The following FLNB variants were observed in gnomAD, a reference collection of about 807,000 sequenced individuals.
FLNB encodes the protein filamin B.
A neutral mutation model predicts 250.6 loss-of-function variants in FLNB; 111 were observed. The observed-to-expected ratio is 0.44, with a 90% confidence interval of 0.38 to 0.52. The LOEUF is 0.52. Ranked by LOEUF, FLNB falls within the 20% of genes least tolerant of loss-of-function variation. The pLI, the probability that FLNB is intolerant of heterozygous loss-of-function variation, is 0.00. For synonymous variants in FLNB, 1,302 were observed against 1,372.1 expected (o/e 0.95, Z 1.13); for missense variants, 2,869 against 3,447.8 (o/e 0.83, Z 4.20).
chr3:58,143,510 T>A lies in FLNB; in HGVS notation c.5322T>A (p.Pro1774=), dbSNP rs767685201. The A allele has an allele frequency of 6.2e-7, 1 of 1,614,094 alleles. No individual in the cohort carries two copies. The highest frequency in any genetic ancestry group is 8.5e-7 in the Non-Finnish European group (1 of 1,179,976). The change falls in exon 32 of 46, where the codon CCT becomes CCA. Residue 1774 remains proline (P), a synonymous_variant. Transcript: ENST00000295956. Reference sequence around the variant, plus strand: ...TGCCTTCTGGGAAGACAGCCACACCTGAGATTGTGGACAACAAGGACGGCA... The same window carrying A: ...TGCCTTCTGGGAAGACAGCCACACCAGAGATTGTGGACAACAAGGACGGCA... ...VHMPSGKTAT[P]EIVDNKDGTV...
intron 4 of FLNB, among the ~76,000 whole-genome samples, chr3:58,092,521 C>T (rs950767436): frequency 3.9e-5 from 6 of 152,114 alleles, no homozygotes; most frequent in African/African-American, 1.4e-4. Flanking sequence ...TGGTATGCAC[C>T]TGTGGTCCCA....
At position 58,123,385 on chromosome 3, in the gene FLNB, G is replaced by A; in HGVS notation, c.3419G>A (p.Gly1140Glu). ...PFDPSKVVAS[G>E]PGLEHGKVGE... ...GACCCCTCTAAAGTCGTGGCATCGG[G>A]GCCAGGTCTCGAGCACGGGAAGGTG... is the stretch of plus-strand genomic sequence containing the variant. Residue 1140 changes from glycine (G) to glutamate (E), a missense_variant, in exon 21 of 46, where the codon GGG becomes GAG. By Grantham distance (98) the Gly-to-Glu change is moderately conservative. Transcript: ENST00000295956. 1 of 1,614,138 alleles carries A rather than the reference G, an allele frequency of 6.2e-7. No homozygotes were observed. Among genetic ancestry groups the A allele is most frequent in the Non-Finnish European group, 8.5e-7 (1 of 1,180,024 alleles).
In FLNB at chr3:58,153,061, C is replaced by T. The variant is rs72884432; in HGVS notation, c.6368-314C>T. ...TAAAAGAAATGCCAAAGCTTCTTGA[C>T]GGTAAAGGATGATGGCTCTTGTTTT... On this transcript the variant is annotated intron_variant, in intron 38 of 45. Transcript: ENST00000295956. 0.032 allele frequency among the ~76,000 whole-genome samples: 4,895 copies of T among 152,338 alleles called. 265 individuals carry two copies. The highest frequency in any genetic ancestry group is 0.11 in the African/African-American group (4,601 of 41,568).
chr3:58,046,455 GTT>G (rs34935660), intron 1 of FLNB, among the ~76,000 whole-genome samples: 1 of 144,134 alleles, frequency 6.9e-6, no homozygotes, highest in Non-Finnish European at 1.5e-5. Flanking sequence ...TTTTAGAATT[GTT>G]TTTTTTTTTT....
intron 1 of FLNB, among the ~76,000 whole-genome samples, chr3:58,065,539 C>T (rs2097184204): frequency 6.6e-6 from 1 of 152,220 alleles, no homozygotes; most frequent in Non-Finnish European, 1.5e-5. Context: ...CTAAAAGCCA[C>T]CCTCACAGGG....
intron 1 of FLNB, among the ~76,000 whole-genome samples, chr3:58,067,877 A>G (rs1404353783): frequency 6.6e-6 from 1 of 152,274 alleles, no homozygotes; most frequent in East Asian, 1.9e-4. Context: ...GCCTGGCCAG[A>G]GGTTTTCTTA....
intron 38 of FLNB, 102 bp from the exon 39 acceptor site, chr3:58,153,273 C>A: frequency 1.5e-6 from 2 of 1,367,044 alleles, no homozygotes. Context: ...GTCCACCGGG[C>A]TGCACACACC....
chr3:58,097,022 T>C (rs906346794), intron 6 of FLNB, among the ~76,000 whole-genome samples: 4 of 152,276 alleles, frequency 2.6e-5, no homozygotes, highest in Middle Eastern at 3.4e-3. Context: ...AGGTGACCTA[T>C]AGGGCAAGGG....
At chr3:58,104,144 A>C (rs1303894246) in intron 10 of FLNB, 59 bp downstream of exon 10, 1 of 1,581,900 alleles carries the variant, frequency 6.3e-7, no homozygotes, top group African/African-American at 1.4e-5. Context: ...GGGCGGACTC[A>C]TGGGTAGTTG....
intron 29 of FLNB, among the ~76,000 whole-genome samples, chr3:58,140,261 A>C (rs962505527): frequency 3.3e-5 from 5 of 152,186 alleles, no homozygotes; most frequent in Non-Finnish European, 5.9e-5. Flanking sequence ...CAAATACACT[A>C]CTCACACACA....
intron 1 of FLNB, among the ~76,000 whole-genome samples, chr3:58,012,212 A>G (rs2097099952): frequency 4.7e-5 from 1 of 21,342 alleles, no homozygotes; most frequent in Admixed American, 3.5e-4. Context: ...TCTGACTCAA[A>G]AAAAAAAAAA....
chr3:58,023,699 T>C (rs1389536861), intron 1 of FLNB, among the ~76,000 whole-genome samples: 1 of 152,212 alleles, frequency 6.6e-6, no homozygotes, highest in African/African-American at 2.4e-5. Context: ...TTGTCCAACA[T>C]TAAAATGAAA....
intron 30 of FLNB, 43 bp downstream of exon 30, chr3:58,141,972 C>A: frequency 6.5e-7 from 1 of 1,545,752 alleles, no homozygotes; most frequent in Non-Finnish European, 8.9e-7. Flanking sequence ...TGTGTTTACT[C>A]AGCCTTCATT....
chr3:58,016,615 A>G (rs1237107550), intron 1 of FLNB, among the ~76,000 whole-genome samples: 1 of 151,988 alleles, frequency 6.6e-6, no homozygotes, highest in Non-Finnish European at 1.5e-5. Context: ...TCCTGGCTCT[A>G]ACGGATTATC....
intron 11 of FLNB, among the ~76,000 whole-genome samples, chr3:58,106,290 A>G (rs993862008): frequency 6.6e-6 from 1 of 151,344 alleles, no homozygotes; most frequent in African/African-American, 2.4e-5. Flanking sequence ...CTCCAACAGA[A>G]GGGTTTGCTG....
intron 1 of FLNB, among the ~76,000 whole-genome samples, chr3:58,056,105 A>ATTTTTTTT (rs781244971): frequency 7.8e-6 from 1 of 128,730 alleles, no homozygotes; most frequent in Non-Finnish European, 1.5e-5. Context: ...TTATTTATTT[A>ATTTTTTTT]TTTTTTTTTT....
intron 4 of FLNB, 107 bp downstream of exon 4, chr3:58,081,883 A>G: frequency 7.9e-7 from 1 of 1,266,856 alleles, no homozygotes; most frequent in Non-Finnish European, 1.2e-6. Flanking sequence ...AGATAGGTGT[A>G]ATCCTCAAAG....
chr3:58,159,497 G>A (rs1469286127), intron 41 of FLNB, 57 bp from the exon 42 acceptor site: 27 of 1,569,556 alleles, frequency 1.7e-5, no homozygotes, highest in Non-Finnish European at 2.3e-5. Flanking sequence ...GGGTCAGTGT[G>A]TGCCACTGAG....
chr3:58,112,407 T>C, intron 18 of FLNB, 89 bp downstream of exon 18: 1 of 1,353,014 alleles, frequency 7.4e-7, no homozygotes, highest in South Asian at 1.2e-5. Flanking sequence ...CACCAAGGGG[T>C]GTGAGAGGTG....
Sources: allele counts gnomAD v4.1 joint callset (sites outside exome capture counted in the v4.1 genomes callset), GRCh38; gene constraint gnomAD v4.1.1; transcripts MANE v1.5; gene names NCBI Gene and HGNC (gene_info 2026-07-23, HGNC 2026-07-21).